HBP1: variants seen among roughly 807,000 people sequenced by gnomAD.
The protein encoded by HBP1 is HMG-box transcription factor 1, also known as HMG box-containing protein 1.
In HBP1, 20 loss-of-function variants were observed where a neutral mutation model predicts 62.6. The ratio of observed to expected loss-of-function variants is 0.32; its 90% confidence interval spans 0.22 to 0.46. HBP1 has a LOEUF of 0.46. HBP1 is among the 20% of genes least tolerant of loss of function. HBP1 has a pLI of 1.00. For synonymous variants in HBP1, 232 were observed against 206.2 expected, an observed-to-expected ratio of 1.12 and a Z score of -1.07; for missense variants, 480 against 611.8, an observed-to-expected ratio of 0.78 and a Z score of 2.27.
At chr7:107,171,073 A>ATATTTTTTTTTTTTTTTTTTT in intron 1 of HBP1, among the ~76,000 whole-genome samples, 2 of 87,194 alleles carry the variant, frequency 2.3e-5, no homozygotes, top group African/African-American at 6.6e-5. Context: ...ATATATATAT[A>ATATTTTTTTTTTTTTTTTTTT]TTTTTTTTTT....
At chr7:107,193,875 T>C (rs992161467) in intron 8 of HBP1, among the ~76,000 whole-genome samples, 8 of 152,168 alleles carry the variant, frequency 5.3e-5, no homozygotes, top group African/African-American at 1.9e-4. Context: ...TTTAAAAAAA[T>C]CTGTAGAATG....
chr7:107,171,541 C>T (rs955373719), intron 1 of HBP1, among the ~76,000 whole-genome samples: 1 of 151,976 alleles, frequency 6.6e-6, no homozygotes, highest in African/African-American at 2.4e-5. Context: ...ACTGGTACTC[C>T]CCTTTCCACC....
At chr7:107,185,049 T>C (rs1797287242) in intron 3 of HBP1, among the ~76,000 whole-genome samples, 1 of 152,166 alleles carries the variant, frequency 6.6e-6, no homozygotes, top group African/African-American at 2.4e-5. Flanking sequence ...CACCCATGAA[T>C]ATCTGGTCTG....
chr7:107,190,922 A>G (rs1433168589), intron 8 of HBP1, among the ~76,000 whole-genome samples: 1 of 152,190 alleles, frequency 6.6e-6, no homozygotes, highest in Non-Finnish European at 1.5e-5. Context: ...ATCTTCATTT[A>G]TATGGGACTT....
Position 107,186,156 on chromosome 7 carries a change from C to CTTTTTTTTTTTTTTTTTTTTTTTTTTT in HBP1, c.541-196_541-195insTTTTTTTTTTTTTTTTTTTTTTTTTTT, listed in dbSNP as rs946488645. On this transcript the variant is annotated intron_variant, in intron 4 of 10. Transcript: ENST00000222574. Reference sequence around the variant, plus strand: ...TTTGTTTTGTGTGTGTCTTTTTTTTCTTTTTTTTTCTTTTTTTTTTTTTTT... The same window carrying CTTTTTTTTTTTTTTTTTTTTTTTTTTT: ...TTTGTTTTGTGTGTGTCTTTTTTTTCTTTTTTTTTTTTTTTTTTTTTTTTTTTTTTTTTTTTCTTTTTTTTTTTTTTT... 2.4e-5 allele frequency among the ~76,000 whole-genome samples: 3 copies of CTTTTTTTTTTTTTTTTTTTTTTTTTTT among 127,272 alleles called. 1 individual carries two copies. Among genetic ancestry groups the CTTTTTTTTTTTTTTTTTTTTTTTTTTT allele is most frequent in the Non-Finnish European group, 5.0e-5 (3 of 60,268 alleles). 83.5% of individuals were successfully genotyped at this position (127,272 alleles called of 152,430 possible).
rs371690415 is a variant in HBP1 at position 107,185,772 on chromosome 7, T to A, written c.399-29T>A. On this transcript the variant is annotated intron_variant, in intron 3 of 10. Coordinates refer to ENST00000222574, the MANE Select transcript of HBP1 (RefSeq NM_012257.4). ...AAAGATCTACTTTAAGGACCTATGC[T>A]TATGGTTGAAACTGTTGCTTTATTT... 4.6e-5 allele frequency: 73 copies of A among 1,597,944 alleles called. No homozygotes were observed. The African/African-American group carries it at 6.3e-4, about 14-fold the overall frequency.
chr7:107,174,344 C>T, intron 1 of HBP1: 1 of 455,154 alleles, frequency 2.2e-6, no homozygotes, highest in Non-Finnish European at 2.9e-6. Context: ...GAGGTGTGAA[C>T]ACATAGAACT....
chr7:107,196,870 C>T (rs1490823287), intron 9 of HBP1: 1 of 152,638 alleles, frequency 6.6e-6, no homozygotes, highest in Admixed American at 6.5e-5. Flanking sequence ...GTCTCAAACT[C>T]CTGGGTTCAA....
chr7:107,198,711 G>A (rs1372777622), intron 9 of HBP1, among the ~76,000 whole-genome samples: 2 of 152,150 alleles, frequency 1.3e-5, no homozygotes, highest in Non-Finnish European at 2.9e-5. Flanking sequence ...CAAATTCTGA[G>A]GGAATGGAGA....
At chr7:107,192,183 C>A (rs909583071) in intron 8 of HBP1, among the ~76,000 whole-genome samples, 1 of 151,714 alleles carries the variant, frequency 6.6e-6, no homozygotes, top group African/African-American at 2.4e-5. Context: ...ATCCAAACTT[C>A]CAAAAGGAAA....
At chr7:107,197,270 T>C (rs1423674964) in intron 9 of HBP1, 1 of 152,248 alleles carries the variant, frequency 6.6e-6, no homozygotes, top group African/African-American at 2.4e-5. Flanking sequence ...TATCTTGATA[T>C]CATGAGAAAA....
chr7:107,197,770 C>G (rs1374917712), intron 9 of HBP1, among the ~76,000 whole-genome samples: 1 of 152,180 alleles, frequency 6.6e-6, no homozygotes, highest in Non-Finnish European at 1.5e-5. Context: ...TCCATTTCTT[C>G]AGTAAAAAGA....
intron 6 of HBP1, 104 bp downstream of exon 6, chr7:107,186,785 A>T: frequency 1.4e-6 from 1 of 695,082 alleles, no homozygotes; most frequent in Middle Eastern, 2.8e-4. Context: ...TATTTAAATG[A>T]CATCGTACAT....
rs1797154011 is a variant in HBP1, at chr7:107,182,451, A to G, written c.248A>G (p.His83Arg). Residue 83 changes from histidine to arginine, a missense_variant, in exon 3 of 11, where the codon CAT (histidine) becomes CGT (arginine). Transcript: ENST00000222574. ...TACCAGCTGAGTTCAGATGTTTCAC[A>G]TCAAGAATACCCAAGATCATCTTGG... ...GMYQLSSDVS[H>R]QEYPRSSWNQ... 1 of 1,613,468 alleles carries G rather than the reference A, an allele frequency of 6.2e-7. No individual in the cohort carries two copies. The highest frequency in any genetic ancestry group is 1.3e-5 in the African/African-American group (1 of 74,914).
chr7:107,170,948 T>TACATGTATATGTATAAAATATATAACATA (rs1562881574), intron 1 of HBP1, among the ~76,000 whole-genome samples: 1 of 145,118 alleles, frequency 6.9e-6, no homozygotes, highest in Non-Finnish European at 1.5e-5. Flanking sequence ...ATATAACATA[T>TACATGTATATGTATAAAATATATAACATA]ACATGTATAT....
intron 9 of HBP1, among the ~76,000 whole-genome samples, chr7:107,198,691 C>A (rs1798048781): frequency 6.7e-6 from 1 of 149,632 alleles, no homozygotes; most frequent in African/African-American, 2.4e-5. Context: ...AATAAATTCT[C>A]ATTTGGAGGC....
At chr7:107,169,782 C>G (rs1796464008) in intron 1 of HBP1, 3 of 984,924 alleles carry the variant, frequency 3.0e-6, no homozygotes, top group African/African-American at 3.5e-5. Context: ...GAAAAACAAG[C>G]CCGGAGTCCG....
intron 8 of HBP1, chr7:107,193,355 A>G (rs1797743448): frequency 6.6e-6 from 1 of 152,226 alleles, no homozygotes; most frequent in Admixed American, 6.5e-5. Context: ...AAAGGCAGTT[A>G]GTATCAGAAT....
At chr7:107,195,380 C>T (rs545080210) in intron 8 of HBP1, among the ~76,000 whole-genome samples, 6 of 152,258 alleles carry the variant, frequency 3.9e-5, no homozygotes, top group Non-Finnish European at 7.4e-5. Context: ...CATTTGTTTT[C>T]TATAGTAGTC....
Sources: allele counts gnomAD v4.1 joint callset (sites outside exome capture counted in the v4.1 genomes callset), GRCh38; gene constraint gnomAD v4.1.1; transcripts MANE v1.5; gene names NCBI Gene and HGNC (gene_info 2026-07-23, HGNC 2026-07-21).